The following GPM6A variants were observed in gnomAD, a reference collection of about 807,000 sequenced individuals.
GPM6A encodes neuronal membrane glycoprotein M6-a.
A neutral mutation model predicts 32.1 loss-of-function variants in GPM6A; 7 were observed. The observed-to-expected ratio is 0.22, with a 90% confidence interval of 0.12 to 0.41. GPM6A has a LOEUF of 0.41. GPM6A is among the 10% of genes least tolerant of loss of function. The pLI, the probability that GPM6A is intolerant of heterozygous loss-of-function variation, is 1.00. For missense variants in GPM6A, 235 were observed against 347.2 expected, an observed-to-expected ratio of 0.68 and a Z score of 2.57; for synonymous variants, 130 against 123.4, an observed-to-expected ratio of 1.05 and a Z score of -0.35.
intron 1 of GPM6A, among the ~76,000 whole-genome samples, chr4:175,925,219 CTG>C (rs1291837073): frequency 2.0e-5 from 3 of 152,134 alleles, no homozygotes; most frequent in Non-Finnish European, 4.4e-5. Context: ...CGATGTGAAA[CTG>C]GAAATGGGTG....
At chr4:175,732,636 G>A (rs1053815079) in intron 1 of GPM6A, among the ~76,000 whole-genome samples, 2 of 152,070 alleles carry the variant, frequency 1.3e-5, no homozygotes, top group African/African-American at 4.8e-5. Flanking sequence ...AGAATTCTTT[G>A]AGATGAAAAT....
intron 1 of GPM6A, among the ~76,000 whole-genome samples, chr4:175,834,776 T>C (rs1347410887): frequency 6.6e-6 from 1 of 152,242 alleles, no homozygotes; most frequent in East Asian, 1.9e-4. Context: ...AATACATCTC[T>C]TCTTAATTTT....
At chr4:175,931,703 CACACACAT>C (rs1265823968) in intron 1 of GPM6A, among the ~76,000 whole-genome samples, 67 of 140,708 alleles carry the variant, frequency 4.8e-4, no homozygotes, top group African/African-American at 1.7e-3. Flanking sequence ...CACACACACA[CACACACAT>C]ATATATATAT....
intron 1 of GPM6A, among the ~76,000 whole-genome samples, chr4:175,934,336 AG>A (rs753566111): frequency 9.2e-5 from 14 of 152,230 alleles, no homozygotes; most frequent in Non-Finnish European, 2.1e-4. Context: ...AAGGGATTAT[AG>A]CCATGAATCT....
At chr4:175,796,543 T>C (rs1734236344) in intron 1 of GPM6A, among the ~76,000 whole-genome samples, 1 of 152,198 alleles carries the variant, frequency 6.6e-6, no homozygotes. Flanking sequence ...TATACATTTA[T>C]GTTTGAATGC....
chr4:175,685,387 C>G (rs569153914), intron 2 of GPM6A, among the ~76,000 whole-genome samples: 1 of 152,318 alleles, frequency 6.6e-6, no homozygotes, highest in East Asian at 1.9e-4. Context: ...GAGTGTTTCA[C>G]AGCCAACTTC....
chr4:175,848,324 C>T (rs1736152256), intron 1 of GPM6A, among the ~76,000 whole-genome samples: 1 of 152,142 alleles, frequency 6.6e-6, no homozygotes. Context: ...TTCCATTTAC[C>T]TCTGAAAGTC....
At chr4:175,783,143 T>A (rs1261888954) in intron 1 of GPM6A, among the ~76,000 whole-genome samples, 2 of 152,000 alleles carry the variant, frequency 1.3e-5, no homozygotes, top group African/African-American at 2.4e-5. Flanking sequence ...ATTTAAAAAA[T>A]TTTTTGCCTT....
intron 4 of GPM6A, among the ~76,000 whole-genome samples, chr4:175,649,303 T>G (rs1051476163): frequency 3.9e-5 from 6 of 152,204 alleles, no homozygotes; most frequent in African/African-American, 1.4e-4. Flanking sequence ...CTTAATACTT[T>G]CAGTGAAATT....
chr4:175,809,689 A>C (rs1734840468), intron 1 of GPM6A, among the ~76,000 whole-genome samples: 1 of 152,232 alleles, frequency 6.6e-6, no homozygotes, highest in Non-Finnish European at 1.5e-5. Context: ...AAATTAGGAT[A>C]AAAGTTAGGA....
chr4:175,787,645 ACT>A, intron 1 of GPM6A: 1 of 1,243,334 alleles, frequency 8.0e-7, no homozygotes, highest in South Asian at 2.3e-5. Context: ...TACTGACATA[ACT>A]CTTCCTAGTC....
intron 1 of GPM6A, among the ~76,000 whole-genome samples, chr4:175,736,806 A>G (rs971993518): frequency 2.0e-5 from 3 of 152,246 alleles, no homozygotes; most frequent in African/African-American, 7.2e-5. Flanking sequence ...TCACCAAGAG[A>G]CAGCATATAT....
intron 1 of GPM6A, among the ~76,000 whole-genome samples, chr4:175,998,325 T>G (rs534836373): frequency 6.6e-6 from 1 of 152,248 alleles, no homozygotes; most frequent in Non-Finnish European, 1.5e-5. Context: ...GGCTACTGTT[T>G]GTAATTTTAG....
intron 1 of GPM6A, among the ~76,000 whole-genome samples, chr4:175,794,035 C>T (rs757340325): frequency 1.5e-4 from 23 of 151,832 alleles, no homozygotes; most frequent in Non-Finnish European, 2.9e-4. Context: ...TTTATGTCAT[C>T]TTGATTTGGA....
intron 1 of GPM6A, among the ~76,000 whole-genome samples, chr4:175,801,850 T>A (rs1560940893): frequency 6.6e-6 from 1 of 152,102 alleles, no homozygotes; most frequent in Non-Finnish European, 1.5e-5. Context: ...AAAGTTTCCT[T>A]CCAATTTAGC....
chr4:175,674,245 T>A (rs953115059), intron 2 of GPM6A, among the ~76,000 whole-genome samples: 16 of 152,166 alleles, frequency 1.1e-4, no homozygotes, highest in African/African-American at 3.6e-4. Flanking sequence ...TGGTGCGATC[T>A]CGGCTCGCTG....
intron 1 of GPM6A, among the ~76,000 whole-genome samples, chr4:175,792,901 G>A (rs140080419): frequency 2.0e-5 from 3 of 152,070 alleles, no homozygotes; most frequent in Admixed American, 6.6e-5. Context: ...CAATGTGGCC[G>A]ACCATGGTGA....
chr4:175,961,975 G>T (rs1435488040), intron 1 of GPM6A: 1 of 516,390 alleles, frequency 1.9e-6, no homozygotes, highest in Non-Finnish European at 3.6e-6. Flanking sequence ...TACCACCACA[G>T]CAATAGGGCT....
chr4:175,855,714 A>C (rs1736395500), intron 1 of GPM6A, among the ~76,000 whole-genome samples: 1 of 152,246 alleles, frequency 6.6e-6, no homozygotes, highest in Non-Finnish European at 1.5e-5. Context: ...ATAAATCAGC[A>C]AGGGAAGGAG....
Sources: gnomAD v4.1 joint callset for allele counts (sites outside exome capture counted in the v4.1 genomes callset) on GRCh38, gnomAD v4.1.1 for gene constraint, MANE v1.5 for transcripts, NCBI Gene and HGNC (gene_info 2026-07-23, HGNC 2026-07-21) for gene names.